The following MPRIP variants were observed in gnomAD, a reference collection of about 807,000 sequenced individuals.
The protein encoded by MPRIP is myosin phosphatase Rho-interacting protein.
MPRIP carries 59 observed loss-of-function variants against 234.9 expected under a neutral mutation model. That is an observed-to-expected ratio of 0.25 (90% CI 0.20 to 0.31). The LOEUF is 0.31. Among genes scored for constraint, MPRIP ranks in the 10% least tolerant of loss-of-function variants. The pLI, the probability that MPRIP is intolerant of heterozygous loss-of-function variation, is 1.00. For missense variants in MPRIP, 2,436 were observed against 3,071.0 expected (o/e 0.79, Z 4.89); for synonymous variants, 1,144 against 1,263.9 (o/e 0.91, Z 2.01).
intron 1 of MPRIP, among the ~76,000 whole-genome samples, chr17:17,046,388 A>G (rs1462046914): frequency 6.6e-6 from 1 of 152,222 alleles, no homozygotes; most frequent in Non-Finnish European, 1.5e-5. Flanking sequence ...GCGTGCATGC[A>G]TGAATGCAAG....
At chr17:17,064,921 A>C (rs551499863) in intron 1 of MPRIP, among the ~76,000 whole-genome samples, 1 of 152,324 alleles carries the variant, frequency 6.6e-6, no homozygotes, top group Non-Finnish European at 1.5e-5. Flanking sequence ...AGTTTTTTTA[A>C]AAACTGCCAA....
chr17:17,128,492 C>T (rs902578222), intron 4 of MPRIP, among the ~76,000 whole-genome samples: 1 of 152,196 alleles, frequency 6.6e-6, no homozygotes, highest in African/African-American at 2.4e-5. Context: ...CTGCTCTCTT[C>T]TGTTGCATAT....
Position 17,177,312 on chromosome 17 carries a change from T to C in MPRIP, c.7020T>C (p.Ala2340=). Residue 2340 remains alanine (A), a synonymous_variant, in exon 22 of 24, where the codon GCT becomes GCC. Coordinates refer to ENST00000651222, the MANE Select transcript of MPRIP (RefSeq NM_001364716.4). ...DIYTELSIAK[A]KADCDISRLK... is the part of the protein sequence containing the mutation. ...ACACAGAGCTCAGCATCGCGAAGGC[T>C]AAGGCTGACTGTGACATCAGCAGGT... is the stretch of plus-strand genomic sequence containing the variant. 3.1e-6 allele frequency: 5 copies of C among 1,613,996 alleles called. No individual in the cohort carries two copies. Among genetic ancestry groups the C allele is most frequent in the Non-Finnish European group, 4.2e-6 (5 of 1,180,002 alleles).
intron 4 of MPRIP, among the ~76,000 whole-genome samples, chr17:17,128,914 C>G (rs982402731): frequency 1.3e-5 from 2 of 152,196 alleles, no homozygotes; most frequent in African/African-American, 4.8e-5. Context: ...TCCCAGTAAC[C>G]TCATCCCTAG....
At chr17:17,169,796 C>T (rs1289018696) in intron 16 of MPRIP, among the ~76,000 whole-genome samples, 1 of 152,248 alleles carries the variant, frequency 6.6e-6, no homozygotes, top group Non-Finnish European at 1.5e-5. Context: ...CGTCCTCTGA[C>T]ATCCACAGGC....
chr17:17,101,986 G>T (rs1210744387), intron 3 of MPRIP, among the ~76,000 whole-genome samples: 1 of 152,168 alleles, frequency 6.6e-6, no homozygotes, highest in Non-Finnish European at 1.5e-5. Flanking sequence ...AAGAGGAAAC[G>T]TCCAGGTGGG....
intron 1 of MPRIP, among the ~76,000 whole-genome samples, chr17:17,052,587 G>A (rs1294801967): frequency 6.6e-6 from 1 of 152,196 alleles, no homozygotes; most frequent in Admixed American, 6.5e-5. Context: ...TCTCTAATAA[G>A]TGTTAACCTT....
intron 1 of MPRIP, among the ~76,000 whole-genome samples, chr17:17,052,731 G>A (rs996306754): frequency 2.0e-5 from 3 of 152,188 alleles, no homozygotes; most frequent in South Asian, 4.1e-4. Context: ...GCCTCGGGGT[G>A]CCCCACATCC....
intron 4 of MPRIP, among the ~76,000 whole-genome samples, chr17:17,127,988 C>T (rs1473845814): frequency 2.6e-5 from 4 of 152,166 alleles, no homozygotes; most frequent in African/African-American, 9.7e-5. Context: ...TTCTGAGCAC[C>T]TGGAGCCGAG....
intron 1 of MPRIP, among the ~76,000 whole-genome samples, chr17:17,061,310 A>G (rs978993457): frequency 3.3e-5 from 5 of 152,248 alleles, no homozygotes; most frequent in African/African-American, 7.2e-5. Context: ...TTACAAGCTT[A>G]GAAAGAGGGC....
chr17:17,175,221 C>G (rs1447220122), intron 19 of MPRIP, 72 bp from the exon 20 acceptor site: 14 of 1,608,166 alleles, frequency 8.7e-6, no homozygotes, highest in Non-Finnish European at 1.2e-5. Context: ...GGGAAATGGC[C>G]TTCCCGGGTT....
intron 1 of MPRIP, chr17:17,057,891 G>A: frequency 7.1e-6 from 4 of 564,984 alleles, no homozygotes; most frequent in Non-Finnish European, 1.3e-5. Flanking sequence ...GTACACAAAA[G>A]GATACAAGCA....
At chr17:17,141,234 C>T (rs1343877802) in intron 7 of MPRIP, among the ~76,000 whole-genome samples, 1 of 152,184 alleles carries the variant, frequency 6.6e-6, no homozygotes, top group East Asian at 1.9e-4. Context: ...TGTTGGTGAG[C>T]CTTGAATCTC....
chr17:17,184,579 A>T (rs1413826354), intron 23 of MPRIP, among the ~76,000 whole-genome samples: 1 of 152,216 alleles, frequency 6.6e-6, no homozygotes, highest in Non-Finnish European at 1.5e-5. Context: ...AGCTGCTTAA[A>T]CACATGGTCT....
At chr17:17,054,160 C>A (rs185327976) in intron 1 of MPRIP, among the ~76,000 whole-genome samples, 1 of 152,058 alleles carries the variant, frequency 6.6e-6, no homozygotes, top group Non-Finnish European at 1.5e-5. Context: ...CAAGTAAGAT[C>A]ATTATCTATA....
chr17:17,068,834 C>T (rs536626069), intron 1 of MPRIP, among the ~76,000 whole-genome samples: 4 of 152,124 alleles, frequency 2.6e-5, no homozygotes, highest in South Asian at 2.1e-4. Flanking sequence ...GCGCCCAGCC[C>T]GATTTCTACT....
intron 15 of MPRIP, among the ~76,000 whole-genome samples, chr17:17,161,597 C>CT (rs1567762311): frequency 6.6e-6 from 1 of 152,164 alleles, no homozygotes; most frequent in African/African-American, 2.4e-5. Context: ...TATCTAAGGA[C>CT]TTTTTTTGGT....
At chr17:17,174,167 C>G (rs995650552) in intron 19 of MPRIP, 92 bp downstream of exon 19, 2 of 1,430,520 alleles carry the variant, frequency 1.4e-6, no homozygotes, top group African/African-American at 2.8e-5. Context: ...GGAGCTGGAG[C>G]CAGGCCTCAC....
intron 23 of MPRIP, chr17:17,183,322 T>C (rs1175440224): frequency 2.0e-5 from 3 of 152,258 alleles, no homozygotes; most frequent in Non-Finnish European, 4.4e-5. Context: ...TTCACGCCAT[T>C]CTCCTGCCTC....
Sources: gnomAD v4.1 joint callset for allele counts (sites outside exome capture counted in the v4.1 genomes callset) on GRCh38, gnomAD v4.1.1 for gene constraint, MANE v1.5 for transcripts, NCBI Gene and HGNC (gene_info 2026-07-23, HGNC 2026-07-21) for gene names.